The following BBX variants were observed in gnomAD, a reference collection of about 807,000 sequenced individuals.
BBX encodes BBX high mobility group box domain containing.
Under a neutral mutation model 100.2 loss-of-function variants are expected in BBX, and 30 were observed. The observed-to-expected ratio is 0.30, with a 90% CI of 0.22 to 0.41. The LOEUF is 0.41. Among genes scored for constraint, BBX ranks in the 10% least tolerant of loss-of-function variants. The pLI, the probability that BBX is intolerant of heterozygous loss-of-function variation, is 1.00. For missense variants in BBX, 1,023 were observed against 1,129.8 expected (o/e 0.91, Z 1.35); for synonymous variants, 376 against 388.1 (o/e 0.97, Z 0.37).
intron 3 of BBX, among the ~76,000 whole-genome samples, chr3:107,690,289 C>T (rs2060078583): frequency 6.6e-6 from 1 of 152,072 alleles, no homozygotes; most frequent in African/African-American, 2.4e-5. Context: ...TGTATTCTGC[C>T]ACTAACTCTT....
chr3:107,629,795 CCAACCA>C, intron 2 of BBX, among the ~76,000 whole-genome samples: 1 of 152,154 alleles, frequency 6.6e-6, no homozygotes, highest in East Asian at 1.9e-4. Flanking sequence ...GCATGATGAA[CCAACCA>C]CATCTCTTCC....
chr3:107,610,346 G>A (rs1276485532), intron 2 of BBX, among the ~76,000 whole-genome samples: 1 of 152,078 alleles, frequency 6.6e-6, no homozygotes, highest in African/African-American at 2.4e-5. Context: ...ATTGGATGAA[G>A]TGTTCTGTGT....
At chr3:107,607,703 C>T (rs768587541) in intron 2 of BBX, among the ~76,000 whole-genome samples, 2 of 152,124 alleles carry the variant, frequency 1.3e-5, no homozygotes, top group Non-Finnish European at 2.9e-5. Context: ...TCCTTTTCTC[C>T]GTATCCTTGC....
chr3:107,531,885 G>T (rs2048184591), intron 2 of BBX, among the ~76,000 whole-genome samples: 1 of 152,138 alleles, frequency 6.6e-6, no homozygotes, highest in Admixed American at 6.5e-5. Context: ...ATAGATATTA[G>T]AATGTCTTAG....
chr3:107,699,207 A>G (rs974038835), intron 3 of BBX, among the ~76,000 whole-genome samples: 3 of 151,750 alleles, frequency 2.0e-5, no homozygotes, highest in African/African-American at 7.3e-5. Flanking sequence ...CAGACTTGAA[A>G]GGACCAGAAG....
intron 2 of BBX, among the ~76,000 whole-genome samples, chr3:107,590,539 A>G (rs2053228912): frequency 6.6e-6 from 1 of 152,180 alleles, no homozygotes; most frequent in East Asian, 1.9e-4. Flanking sequence ...AGTCTCTGGT[A>G]TCTACTGTTC....
intron 3 of BBX, among the ~76,000 whole-genome samples, chr3:107,660,272 TA>T (rs1248744502): frequency 6.6e-6 from 1 of 152,074 alleles, no homozygotes; most frequent in African/African-American, 2.4e-5. Context: ...CTTTTCCAAA[TA>T]AATTGCATAA....
Position 107,718,300 on chromosome 3 carries a change from A to G in BBX, c.405+1451A>G, listed in dbSNP as rs1280197604. Reference sequence around the variant, plus strand: ...ATGATTGTTAATTATAATAGTATTAATATAATTATAATAATTATATAATTA... The same window carrying G: ...ATGATTGTTAATTATAATAGTATTAGTATAATTATAATAATTATATAATTA... On this transcript the variant is annotated intron_variant, in intron 5 of 17. Coordinates refer to ENST00000325805, the MANE Select transcript of BBX (RefSeq NM_001142568.3). Among the ~76,000 whole-genome samples, 3 of 147,914 alleles carry G rather than the reference A, an allele frequency of 2.0e-5. No individual in the cohort carries two copies. The East Asian group carries it at 5.8e-4, about 29-fold the overall frequency.
rs374687865 is a variant in BBX at position 107,645,481 on chromosome 3, G to A, written c.-83-355G>A. Among the ~76,000 whole-genome samples, 23 of 152,106 alleles carry A rather than the reference G, an allele frequency of 1.5e-4. No individual in the cohort carries two copies. In the South Asian group the frequency reaches 3.5e-3, roughly 23 times the overall value. ...TTAAAATAACTTGAATTTAGTTAGG[G>A]TGTCGATTTAACCCCATGTTTTTCC... On this transcript the variant is annotated intron_variant, in intron 2 of 17. Transcript: ENST00000325805.
At chr3:107,790,550 C>A (rs2068907119) in intron 14 of BBX, among the ~76,000 whole-genome samples, 1 of 152,118 alleles carries the variant, frequency 6.6e-6, no homozygotes. Context: ...CTTAAGATCT[C>A]TTTCTTCCCA....
chr3:107,673,547 T>C (rs572993877), intron 3 of BBX, among the ~76,000 whole-genome samples: 46 of 152,138 alleles, frequency 3.0e-4, no homozygotes, highest in Non-Finnish European at 4.4e-4. Flanking sequence ...CCCAGAAAAA[T>C]TCAGAGCATA....
intron 13 of BBX, among the ~76,000 whole-genome samples, chr3:107,787,932 T>A (rs1032655043): frequency 6.6e-6 from 1 of 152,170 alleles, no homozygotes; most frequent in African/African-American, 2.4e-5. Context: ...AGGAGGCCCA[T>A]GCAGCTAGAG....
intron 2 of BBX, among the ~76,000 whole-genome samples, chr3:107,613,949 T>TG (rs1166610617): frequency 7.8e-5 from 9 of 115,872 alleles, no homozygotes; most frequent in African/African-American, 3.5e-4. Context: ...TGGTTTTTTT[T>TG]TTTTTTTTTT....
rs1434800509 is a variant in BBX at position 107,808,064 on chromosome 3, A to G, written c.*2607A>G. 6.6e-6 allele frequency: 1 copy of G among 152,182 alleles called. No homozygotes were observed. The highest frequency in any genetic ancestry group is 1.5e-5 in the Non-Finnish European group (1 of 68,030). The allele number at this position is 152,182 out of a possible 1,614,324, so 9.4% of individuals were successfully genotyped here. A position where few individuals can be genotyped will look rare whatever the true frequency, so the allele number is the denominator to read the frequency against. Reference sequence around the variant, plus strand: ...TTTTCAGGTAACAACATTCGTTAGCACAAATATTTCAGACCAATATTAGTG... The same window carrying G: ...TTTTCAGGTAACAACATTCGTTAGCGCAAATATTTCAGACCAATATTAGTG... On this transcript the variant is annotated 3_prime_UTR_variant, in exon 18 of 18. Transcript: ENST00000325805.
In BBX at chr3:107,649,011, C is replaced by A. The variant is rs117938682; in HGVS notation, c.-10+3102C>A. Among the ~76,000 whole-genome samples the A allele has an allele frequency of 9.3e-4, 141 of 152,324 alleles. 1 individual carries two copies. The East Asian group carries it at 0.019, about 21-fold the overall frequency. On this transcript the variant is annotated intron_variant, in intron 3 of 17. Coordinates refer to ENST00000325805, the MANE Select transcript of BBX (RefSeq NM_001142568.3). ...ATAAAGGAAAGAGGTTTAATGGACT[C>A]ACCGTTTCACATGGCTGGGAGGCCT...
At chr3:107,608,063 T>C (rs1433390131) in intron 2 of BBX, among the ~76,000 whole-genome samples, 1 of 152,160 alleles carries the variant, frequency 6.6e-6, no homozygotes, top group Non-Finnish European at 1.5e-5. Context: ...CTTTTTGACT[T>C]GATATGATCC....
intron 2 of BBX, among the ~76,000 whole-genome samples, chr3:107,573,817 G>C (rs4532134): frequency 1 from 152,301 of 152,302 alleles, 76,150 homozygotes; most frequent in Non-Finnish European, 1. Flanking sequence ...ACCTCTGCCT[G>C]CTGGGTTCAA....
At chr3:107,763,554 C>T (rs1011790458) in intron 10 of BBX, among the ~76,000 whole-genome samples, 6 of 152,102 alleles carry the variant, frequency 3.9e-5, no homozygotes, top group African/African-American at 1.2e-4. Context: ...ACAAACTGAG[C>T]CTAAGGTATG....
intron 17 of BBX, among the ~76,000 whole-genome samples, chr3:107,802,328 A>C (rs955804596): frequency 6.6e-6 from 1 of 152,220 alleles, no homozygotes; most frequent in Non-Finnish European, 1.5e-5. Flanking sequence ...CAGTTTGAGT[A>C]CTTCCTCACA....
Sources: gnomAD v4.1 joint callset for allele counts (sites outside exome capture counted in the v4.1 genomes callset) on GRCh38, gnomAD v4.1.1 for gene constraint, MANE v1.5 for transcripts, NCBI Gene and HGNC (gene_info 2026-07-23, HGNC 2026-07-21) for gene names.